The following RDH10 variants were observed in gnomAD, a reference collection of about 807,000 sequenced individuals.
The protein encoded by RDH10 is retinol dehydrogenase 10 (all-trans).
In RDH10, 12 loss-of-function variants were observed where a neutral mutation model predicts 30.2. The observed-to-expected ratio is 0.40, with a 90% CI of 0.25 to 0.64. The LOEUF is 0.64. Ranked by LOEUF, RDH10 falls within the 30% of genes least tolerant of loss-of-function variation. The pLI is 0.43. For synonymous variants in RDH10, 189 were observed against 172.2 expected (o/e 1.10, Z -0.76); for missense variants, 268 against 445.2 (o/e 0.60, Z 3.58).
At position 73,295,320 on chromosome 8, in the gene RDH10, A is replaced by G; in HGVS notation, c.31A>G (p.Thr11Ala). Residue 11 changes from threonine (T) to alanine (A), a missense_variant, in exon 1 of 6, where the codon ACT becomes GCT. Thr to Ala is a moderately conservative substitution (Grantham distance 58). Around this residue, in one of 4 missense-constraint regions of RDH10, gnomAD observed 44 missense variants for 42.1 expected, o/e 1.04. Coordinates refer to ENST00000240285, the MANE Select transcript of RDH10 (RefSeq NM_172037.5). MNIVVEFFVV[T>A]FKVLWAFVLA... Reference sequence around the variant, plus strand: ...CATCGTGGTGGAGTTCTTCGTGGTCACTTTCAAAGTGCTCTGGGCGTTCGT... The same window carrying G: ...CATCGTGGTGGAGTTCTTCGTGGTCGCTTTCAAAGTGCTCTGGGCGTTCGT... 1 of 1,565,630 alleles carries G rather than the reference A, an allele frequency of 6.4e-7. No homozygotes were observed. Among genetic ancestry groups the G allele is most frequent in the Non-Finnish European group, 8.6e-7 (1 of 1,157,414 alleles).
intron 2 of RDH10, among the ~76,000 whole-genome samples, chr8:73,303,350 C>T (rs888354621): frequency 6.6e-6 from 1 of 152,160 alleles, no homozygotes; most frequent in African/African-American, 2.4e-5. Flanking sequence ...GTTACAGAAA[C>T]TAGTTTTGTT....
chr8:73,299,981 CTG>C (rs1415036491), intron 2 of RDH10, among the ~76,000 whole-genome samples: 12 of 152,160 alleles, frequency 7.9e-5, no homozygotes, highest in Non-Finnish European at 1.6e-4. Flanking sequence ...GGACCTGAAT[CTG>C]TATACCAGGG....
intron 2 of RDH10, among the ~76,000 whole-genome samples, chr8:73,315,776 A>C (rs1814651886): frequency 6.6e-6 from 1 of 152,212 alleles, no homozygotes; most frequent in Non-Finnish European, 1.5e-5. Context: ...GGAATTTGAT[A>C]TTGGATGTAA....
rs376255294 is a variant in RDH10, at chr8:73,319,605, GA to G, written c.624+412del. On this transcript the variant is annotated intron_variant, in intron 3 of 5. Coordinates refer to ENST00000240285, the MANE Select transcript of RDH10 (RefSeq NM_172037.5). ...TACACTAGTTTGACAAAGCAGCAGC[GA>G]CAAGAAAAGTAGATGGGCCAGCCCT... Among the ~76,000 whole-genome samples, 11 of 152,328 alleles carry G rather than the reference GA, an allele frequency of 7.2e-5. 1 individual carries two copies. The highest frequency in any genetic ancestry group is 2.6e-4 in the African/African-American group (11 of 41,568).
chr8:73,322,657 T>A, intron 4 of RDH10, 22 bp from the exon 5 acceptor site: 2 of 1,595,860 alleles, frequency 1.3e-6, no homozygotes, highest in Non-Finnish European at 1.7e-6. Flanking sequence ...TTTCATTTTG[T>A]TTTTGAATAA....
intron 1 of RDH10, 144 bp downstream of exon 1, chr8:73,295,722 G>C: frequency 1.0e-6 from 1 of 964,446 alleles, no homozygotes; most frequent in South Asian, 1.9e-5. Context: ...GAGACGAGTG[G>C]AATTCGCTTC....
rs186772791 is a variant in RDH10 at position 73,302,407 on chromosome 8, G to A, written c.525+4978G>A. ...AACTTGAAAGATACCTCTCTTGGGC[G>A]GGGTGCAGTGACTCAAGCCTGTAAT... On this transcript the variant is annotated intron_variant, in intron 2 of 5. Transcript: ENST00000240285. 2.1e-4 allele frequency among the ~76,000 whole-genome samples: 32 copies of A among 152,284 alleles called. 1 individual carries two copies. The highest frequency in any genetic ancestry group is 1.8e-3 in the Admixed American group (28 of 15,294).
At chr8:73,307,284 T>C (rs1033126602) in intron 2 of RDH10, among the ~76,000 whole-genome samples, 1 of 152,162 alleles carries the variant, frequency 6.6e-6, no homozygotes, top group East Asian at 1.9e-4. Context: ...TGCTTAGCAG[T>C]GTTTTTGCGA....
intron 2 of RDH10, among the ~76,000 whole-genome samples, chr8:73,313,978 G>A (rs996907962): frequency 7.2e-5 from 11 of 152,160 alleles, no homozygotes; most frequent in African/African-American, 2.7e-4. Flanking sequence ...TGCCCTCTCA[G>A]ATCCACCCAT....
At chr8:73,303,894 A>G (rs1489597706) in intron 2 of RDH10, among the ~76,000 whole-genome samples, 1 of 152,240 alleles carries the variant, frequency 6.6e-6, no homozygotes, top group African/African-American at 2.4e-5. Flanking sequence ...CAGACGCTGC[A>G]TCAGATAAAA....
At chr8:73,322,219 A>G in intron 4 of RDH10, 1 of 337,238 alleles carries the variant, frequency 3.0e-6, no homozygotes, top group Non-Finnish European at 5.8e-6. Flanking sequence ...AATATACCTT[A>G]GCTTTCCCTC....
At chr8:73,315,767 G>A (rs1814651416) in intron 2 of RDH10, among the ~76,000 whole-genome samples, 1 of 152,170 alleles carries the variant, frequency 6.6e-6, no homozygotes, top group South Asian at 2.1e-4. Context: ...GTTCTGATAG[G>A]AATTTGATAT....
In RDH10 at chr8:73,322,665, T is replaced by C; in HGVS notation, c.771-14T>C. The C allele has an allele frequency of 1.2e-6, 2 of 1,602,170 alleles. No individual in the cohort carries two copies. The highest frequency in any genetic ancestry group is 1.7e-4 in the Middle Eastern group (1 of 5,988). On this transcript the variant is annotated splice_polypyrimidine_tract_variant and intron_variant, in intron 4 of 5. Coordinates refer to ENST00000240285, the MANE Select transcript of RDH10 (RefSeq NM_172037.5). ...GTTAATTTTTCATTTTGTTTTTGAA[T>C]AAATAACTTTCAGGAAAGAAATTGA... is the stretch of plus-strand genomic sequence containing the variant.
intron 2 of RDH10, among the ~76,000 whole-genome samples, chr8:73,318,220 ATT>A (rs201804539): frequency 1.4e-5 from 2 of 147,608 alleles, no homozygotes; most frequent in African/African-American, 2.5e-5. Flanking sequence ...ATTTGAAGTA[ATT>A]TTTTTTTTTT....
chr8:73,297,522 T>C, intron 2 of RDH10, 93 bp downstream of exon 2: 1 of 856,500 alleles, frequency 1.2e-6, no homozygotes, highest in Non-Finnish European at 2.0e-6. Context: ...GAAAGCAACC[T>C]GTACTCTTTC....
rs192386010 is a variant in RDH10, at chr8:73,294,647, G to A, written c.-643G>A. Reference sequence around the variant, plus strand: ...TGACTTGCAAGCGGGCTGCGCTGCGGAGCCCAGTGCCCGAGTGACACCCGC... The same window carrying A: ...TGACTTGCAAGCGGGCTGCGCTGCGAAGCCCAGTGCCCGAGTGACACCCGC... On this transcript the variant is annotated 5_prime_UTR_variant, in exon 1 of 6. Transcript: ENST00000240285. 2.0e-4 allele frequency: 68 copies of A among 342,126 alleles called. No homozygotes were observed. Among genetic ancestry groups the A allele is most frequent in the Middle Eastern group, 1.5e-3 (2 of 1,306 alleles). 21.2% of individuals were successfully genotyped at this position (342,126 alleles called of 1,614,324 possible).
intron 2 of RDH10, among the ~76,000 whole-genome samples, chr8:73,315,085 A>G (rs1439019465): frequency 6.6e-6 from 1 of 152,058 alleles, no homozygotes; most frequent in Admixed American, 6.5e-5. Context: ...TTTTTTTCAC[A>G]TAGCCATATC....
intron 3 of RDH10, 21 bp from the exon 4 acceptor site, chr8:73,320,910 CT>C (rs750596611): frequency 1.7e-5 from 27 of 1,613,464 alleles, no homozygotes; most frequent in Non-Finnish European, 1.7e-5. Context: ...AGTATTTCTG[CT>C]TTCTCCCCTC....
chr8:73,297,516 G>A, intron 2 of RDH10, 87 bp downstream of exon 2: 2 of 901,498 alleles, frequency 2.2e-6, no homozygotes, highest in Non-Finnish European at 3.7e-6. Flanking sequence ...CAGCCTGAAA[G>A]CAACCTGTAC....
Sources: gnomAD v4.1 joint callset for allele counts (sites outside exome capture counted in the v4.1 genomes callset) on GRCh38, gnomAD v4.1.1 for gene constraint, gnomAD v4.1.1 regional missense constraint, MANE v1.5 for transcripts, NCBI Gene and HGNC (gene_info 2026-07-23, HGNC 2026-07-21) for gene names.